Variants in TSHZ3 observed in about 807,000 individuals in gnomAD.
The protein encoded by TSHZ3 is teashirt zinc finger homeobox 3, also known as teashirt homolog 3.
In TSHZ3, 10 loss-of-function variants were observed where a neutral mutation model predicts 64.5. The observed-to-expected ratio is 0.16, with a 90% CI of 0.10 to 0.26. The LOEUF (loss-of-function observed/expected upper bound fraction) is 0.26, where lower values mean the gene tolerates loss of function less well. Ranked by LOEUF, TSHZ3 falls within the 10% of genes least tolerant of loss-of-function variation. TSHZ3 has a pLI of 1.00. For missense variants in TSHZ3, 1,242 were observed against 1,421.7 expected (o/e 0.87, Z 2.03); for synonymous variants, 608 against 593.1 (o/e 1.03, Z -0.36).
At chr19:31,222,115 CAT>C (rs1183968409) in intron 4 of TSHZ3, among the ~76,000 whole-genome samples, 2 of 152,166 alleles carry the variant, frequency 1.3e-5, no homozygotes, top group Non-Finnish European at 1.5e-5. Context: ...CTTTGAGCCT[CAT>C]AGAGATTTCC....
chr19:31,200,705 C>A (rs1317963011), intron 5 of TSHZ3, among the ~76,000 whole-genome samples: 3 of 152,024 alleles, frequency 2.0e-5, no homozygotes, highest in Non-Finnish European at 4.4e-5. Context: ...CAAGAGTGAA[C>A]CCTCATGTAA....
intron 5 of TSHZ3, among the ~76,000 whole-genome samples, chr19:31,165,332 C>T (rs1196138571): frequency 6.6e-6 from 1 of 152,286 alleles, no homozygotes; most frequent in East Asian, 1.9e-4. Flanking sequence ...GATGGGAGCA[C>T]CTTGGTGTGT....
chr19:31,255,615 C>T (rs771997002), intron 1 of TSHZ3, among the ~76,000 whole-genome samples: 14 of 152,152 alleles, frequency 9.2e-5, no homozygotes, highest in South Asian at 2.1e-4. Context: ...GCTCCCCAAG[C>T]GGCTGTGTGT....
At position 31,349,371 on chromosome 19, in the gene TSHZ3, C is replaced by T; in HGVS notation, c.-152G>A. 1.7e-6 allele frequency: 1 copy of T among 578,752 alleles called. No homozygotes were observed. The highest frequency in any genetic ancestry group is 2.6e-6 in the Non-Finnish European group (1 of 380,410). The allele number at this position is 578,752 out of a possible 1,614,324, so 35.9% of individuals were successfully genotyped here. ...GGCCGCCCGCAGGATGCTGCTGCGC[C>T]CAGGCTCTCCGCGTCCCCCCCGCGC... On this transcript the variant is annotated 5_prime_UTR_variant, in exon 1 of 2. Coordinates refer to ENST00000240587, the MANE Select transcript of TSHZ3 (RefSeq NM_020856.4).
At chr19:31,300,286 G>A (rs1050356891) in intron 1 of TSHZ3, among the ~76,000 whole-genome samples, 3 of 152,204 alleles carry the variant, frequency 2.0e-5, no homozygotes, top group African/African-American at 7.2e-5. Flanking sequence ...TATTGAGATA[G>A]ATTAAAGAAC....
At chr19:31,271,719 G>A (rs182840153), downstream of TSHZ3, among the ~76,000 whole-genome samples, 215 of 152,332 alleles carry the variant, frequency 1.4e-3, 2 homozygotes, top group Middle Eastern at 0.01. Flanking sequence ...GTCCCAGGGG[G>A]AAATGTATGT....
intron 4 of TSHZ3, among the ~76,000 whole-genome samples, chr19:31,227,417 A>G (rs980716521): frequency 1.3e-5 from 2 of 152,176 alleles, no homozygotes; most frequent in African/African-American, 4.8e-5. Flanking sequence ...TGAGGAGGAA[A>G]AAAACCCTAT....
chr19:31,205,135 G>A lies in TSHZ3; in HGVS notation n.687-57C>T, dbSNP rs535195988. 6.2e-4 allele frequency among the ~76,000 whole-genome samples: 94 copies of A among 152,164 alleles called. No homozygotes were observed. The South Asian group carries it at 0.012, about 19-fold the overall frequency. ...TGCCATTCTGGAGAGGTTCCTTGTC[G>A]GCTGTTCATGAACACAATTGCTCTT... is the stretch of plus-strand genomic sequence containing the variant. On this transcript the variant is annotated intron_variant and non_coding_transcript_variant, in intron 4 of 6. Coordinates refer to the TSHZ3 transcript ENST00000651361.
At chr19:31,314,751 G>A (rs761006779) in intron 1 of TSHZ3, among the ~76,000 whole-genome samples, 28 of 152,164 alleles carry the variant, frequency 1.8e-4, no homozygotes, top group Non-Finnish European at 2.9e-4. Flanking sequence ...TGTAATCACC[G>A]TCATTCTCAG....
chr19:31,333,961 T>A (rs1198554174), intron 1 of TSHZ3, among the ~76,000 whole-genome samples: 2 of 152,216 alleles, frequency 1.3e-5, no homozygotes, highest in Admixed American at 1.3e-4. Context: ...TACGTGTGTT[T>A]CCAAATAATA....
chr19:31,189,599 A>G (rs1479099136), intron 5 of TSHZ3, among the ~76,000 whole-genome samples: 1 of 151,968 alleles, frequency 6.6e-6, no homozygotes, highest in Non-Finnish European at 1.5e-5. Flanking sequence ...TTGTCAGAGA[A>G]AAAACTCTGT....
intron 5 of TSHZ3, among the ~76,000 whole-genome samples, chr19:31,174,762 T>C (rs551072136): frequency 1.6e-4 from 25 of 152,176 alleles, no homozygotes; most frequent in African/African-American, 5.8e-4. Flanking sequence ...CAAGGTGACA[T>C]TGGTATGGAG....
intron 1 of TSHZ3, among the ~76,000 whole-genome samples, chr19:31,269,668 A>G (rs1252530476): frequency 6.6e-6 from 1 of 152,218 alleles, no homozygotes; most frequent in Non-Finnish European, 1.5e-5. Flanking sequence ...ACGGTCATAA[A>G]TGTGTCCCTG....
intron 5 of TSHZ3, among the ~76,000 whole-genome samples, chr19:31,184,923 C>T (rs1026573135): frequency 6.6e-6 from 1 of 152,198 alleles, no homozygotes; most frequent in Admixed American, 6.5e-5. Flanking sequence ...AAAATGCATT[C>T]CTCTGCCTCT....
At chr19:31,187,894 T>G (rs879736270) in intron 5 of TSHZ3, among the ~76,000 whole-genome samples, 2 of 152,224 alleles carry the variant, frequency 1.3e-5, no homozygotes, top group South Asian at 2.1e-4. Context: ...TAATATTGCT[T>G]TGGTTATTCT....
chr19:31,303,832 G>T (rs1209613498), intron 1 of TSHZ3, among the ~76,000 whole-genome samples: 2 of 152,148 alleles, frequency 1.3e-5, no homozygotes, highest in African/African-American at 2.4e-5. Flanking sequence ...TTTTTGCAAA[G>T]ATTTTATTTT....
At chr19:31,192,148 G>A (rs1156689348) in intron 5 of TSHZ3, among the ~76,000 whole-genome samples, 3 of 152,064 alleles carry the variant, frequency 2.0e-5, no homozygotes, top group Non-Finnish European at 2.9e-5. Context: ...ACCCAAAGAA[G>A]CATGGCTAAA....
chr19:31,197,037 A>C (rs916167417), intron 5 of TSHZ3, among the ~76,000 whole-genome samples: 10 of 151,946 alleles, frequency 6.6e-5, no homozygotes, highest in African/African-American at 2.4e-4. Flanking sequence ...TGGAAAATTA[A>C]CCAAGATAGA....
At chr19:31,152,384 T>A (rs1036517632) in intron 6 of TSHZ3, among the ~76,000 whole-genome samples, 2 of 152,082 alleles carry the variant, frequency 1.3e-5, no homozygotes, top group African/African-American at 4.8e-5. Context: ...CGCTGACTAT[T>A]CAGAGTTGGA....
Sources: allele counts gnomAD v4.1 joint callset (sites outside exome capture counted in the v4.1 genomes callset), GRCh38; gene constraint gnomAD v4.1.1; transcripts MANE v1.5; gene names NCBI Gene and HGNC (gene_info 2026-07-23, HGNC 2026-07-21).